Variants in KIAA1328 observed in about 807,000 individuals in gnomAD.
KIAA1328 encodes the protein KIAA1328, also known as protein hinderin.
In KIAA1328, 52 loss-of-function variants were observed where a neutral mutation model predicts 68.1. The observed-to-expected ratio is 0.76, with a 90% CI of 0.61 to 0.96. KIAA1328 has a LOEUF of 0.96. KIAA1328 is among the 40% of genes least tolerant of loss of function. KIAA1328 has a pLI of 0.00. For missense variants in KIAA1328, 641 were observed against 677.6 expected (o/e 0.95, Z 0.60); for synonymous variants, 232 against 239.4 (o/e 0.97, Z 0.28).
chr18:36,953,169 A>G (rs1269603535), intron 5 of KIAA1328, among the ~76,000 whole-genome samples: 1 of 149,328 alleles, frequency 6.7e-6, no homozygotes. Context: ...TTTAATACAT[A>G]TATCATAAAT....
intron 9 of KIAA1328, among the ~76,000 whole-genome samples, chr18:37,211,491 A>G (rs2060314916): frequency 6.6e-6 from 1 of 152,182 alleles, no homozygotes; most frequent in South Asian, 2.1e-4. Flanking sequence ...CATGCTATGG[A>G]AAGCCTGTGC....
chr18:36,851,495 A>G (rs2047210120), intron 4 of KIAA1328, among the ~76,000 whole-genome samples: 1 of 152,130 alleles, frequency 6.6e-6, no homozygotes, highest in Non-Finnish European at 1.5e-5. Flanking sequence ...GTATAGGTCC[A>G]TTCAGATCTT....
rs1209322582 is a variant in KIAA1328, at chr18:37,222,593, A to G, written c.*366A>G. 1.9e-6 allele frequency: 2 copies of G among 1,053,728 alleles called. No homozygotes were observed. The highest frequency in any genetic ancestry group is 1.7e-4 in the East Asian group (2 of 11,914). The allele number at this position is 1,053,728 out of a possible 1,614,324, so 65.3% of individuals were successfully genotyped here. A position where few individuals can be genotyped will look rare whatever the true frequency, so the allele number is the denominator to read the frequency against. The stretch of plus-strand genomic sequence containing the variant: ...ATGCTGACTCACTTTTATATACAAG[A>G]AAAACCTTTCCACTGAAAAATCCCT... On this transcript the variant is annotated 3_prime_UTR_variant, in exon 10 of 10. Coordinates refer to ENST00000280020, the MANE Select transcript of KIAA1328 (RefSeq NM_020776.3).
At chr18:37,161,178 G>A (rs1423124001) in intron 8 of KIAA1328, among the ~76,000 whole-genome samples, 1 of 152,024 alleles carries the variant, frequency 6.6e-6, no homozygotes, top group African/African-American at 2.4e-5. Context: ...TTATTTACCT[G>A]TTTTCCTACT....
At chr18:37,058,026 T>C (rs1185905353) in intron 6 of KIAA1328, among the ~76,000 whole-genome samples, 1 of 152,140 alleles carries the variant, frequency 6.6e-6, no homozygotes, top group Non-Finnish European at 1.5e-5. Context: ...AGAGAAAGTA[T>C]GGATATATGT....
intron 7 of KIAA1328, among the ~76,000 whole-genome samples, chr18:37,118,551 C>G (rs1422323273): frequency 6.6e-6 from 1 of 152,162 alleles, no homozygotes; most frequent in African/African-American, 2.4e-5. Context: ...CAACCTATTT[C>G]CCCCTTGATT....
chr18:36,844,219 G>A lies in KIAA1328; in HGVS notation c.249G>A (p.Arg83=), dbSNP rs2046951766. 3 of 1,587,398 alleles carry A rather than the reference G, an allele frequency of 1.9e-6. No individual in the cohort carries two copies. The highest frequency in any genetic ancestry group is 1.8e-5 in the Admixed American group (1 of 54,562). The change falls in exon 4 of 10, where the codon AGG becomes AGA. Residue 83 remains arginine, a synonymous_variant. Transcript: ENST00000280020. ...GDSVDEQNSC[R]GEIKSASLKD... is the part of the protein sequence containing the mutation. ...TTTTTTTTTTTAAGAATTCCTGCAG[G>A]GGAGAAATAAAGAGTGCATCATTGA...
chr18:37,152,002 G>GA (rs2059042079), intron 7 of KIAA1328, among the ~76,000 whole-genome samples: 1 of 150,976 alleles, frequency 6.6e-6, no homozygotes, highest in South Asian at 2.1e-4. Context: ...GCTTCCTTAG[G>GA]AGTAGCCCAG....
rs992334913 is a variant in KIAA1328, at chr18:36,951,997, A to C, written c.449-7311A>C. ...AGTCATCAGTGACTTAAATAGAGAT[A>C]AAATCTAAACAACTTAGGGTAACAT... On this transcript the variant is annotated intron_variant, in intron 5 of 9. Coordinates refer to ENST00000280020, the MANE Select transcript of KIAA1328 (RefSeq NM_020776.3). Among the ~76,000 whole-genome samples, 5 of 152,242 alleles carry C rather than the reference A, an allele frequency of 3.3e-5. No individual in the cohort carries two copies. In the East Asian group the frequency reaches 5.8e-4, roughly 18 times the overall value.
At position 37,057,700 on chromosome 18, in the gene KIAA1328, G is replaced by T. The variant is rs1568347348; in HGVS notation, c.577-9190G>T. On this transcript the variant is annotated intron_variant, in intron 6 of 9. Coordinates refer to ENST00000280020, the MANE Select transcript of KIAA1328 (RefSeq NM_020776.3). ...TCCACCTGCCTCGGCCTCCCAAAGT[G>T]CTGGGATTACAGGCATGAGCCACCA... is the stretch of plus-strand genomic sequence containing the variant. 2.6e-5 allele frequency among the ~76,000 whole-genome samples: 4 copies of T among 151,812 alleles called. No homozygotes were observed. The South Asian group carries it at 8.3e-4, about 32-fold the overall frequency.
chr18:36,959,714 G>T (rs2051579536), intron 6 of KIAA1328, among the ~76,000 whole-genome samples: 1 of 152,106 alleles, frequency 6.6e-6, no homozygotes, highest in Non-Finnish European at 1.5e-5. Flanking sequence ...AGAAAACACT[G>T]CTCTGTTACT....
At chr18:36,878,081 G>T (rs1284985148) in intron 4 of KIAA1328, among the ~76,000 whole-genome samples, 2 of 152,148 alleles carry the variant, frequency 1.3e-5, no homozygotes, top group African/African-American at 4.8e-5. Flanking sequence ...CCTATTCGTT[G>T]ATGCAGTTTC....
At chr18:36,851,615 A>G (rs2047214870) in intron 4 of KIAA1328, among the ~76,000 whole-genome samples, 1 of 146,224 alleles carries the variant, frequency 6.8e-6, no homozygotes, top group Non-Finnish European at 1.5e-5. Flanking sequence ...GTATTCTCTT[A>G]TAATACTTTT....
At chr18:37,084,223 C>T in intron 7 of KIAA1328, 1 of 1,508,062 alleles carries the variant, frequency 6.6e-7, no homozygotes, top group African/African-American at 1.4e-5. Context: ...GGCAGTGACT[C>T]TGGACCAAGG....
In KIAA1328 at chr18:37,087,828, A is replaced by C. The variant is rs1261372848; in HGVS notation, c.1232+20283A>C. On this transcript the variant is annotated intron_variant, in intron 7 of 9. Transcript: ENST00000280020. ...AGGGGGAGTAAAAAAAAATGGGCTC[A>C]TCACTTGTTACATAGGCTTTCATTT... Among the ~76,000 whole-genome samples, 5 of 152,192 alleles carry C rather than the reference A, an allele frequency of 3.3e-5. No homozygotes were observed. The East Asian group carries it at 7.7e-4, about 23-fold the overall frequency.
intron 5 of KIAA1328, among the ~76,000 whole-genome samples, chr18:36,910,914 G>A (rs982162526): frequency 2.0e-5 from 3 of 151,986 alleles, no homozygotes; most frequent in Non-Finnish European, 2.9e-5. Flanking sequence ...CTCAGGAAAA[G>A]AATGAAGAGT....
chr18:36,876,803 G>T (rs996053970), intron 4 of KIAA1328, among the ~76,000 whole-genome samples: 2 of 152,084 alleles, frequency 1.3e-5, no homozygotes, highest in Admixed American at 6.5e-5. Flanking sequence ...ACTTTCTCAT[G>T]TAGGCATTTT....
chr18:36,935,559 T>G (rs1050394553), intron 5 of KIAA1328, among the ~76,000 whole-genome samples: 2 of 152,188 alleles, frequency 1.3e-5, no homozygotes, highest in Admixed American at 1.3e-4. Flanking sequence ...GGTTTTGGCT[T>G]TATATTAGTC....
intron 9 of KIAA1328, among the ~76,000 whole-genome samples, chr18:37,195,276 C>G (rs2059982242): frequency 6.6e-6 from 1 of 152,188 alleles, no homozygotes; most frequent in Non-Finnish European, 1.5e-5. Flanking sequence ...TCCTAGCCTT[C>G]ACTTTGTTGT....
Sources: gnomAD v4.1 joint callset for allele counts (sites outside exome capture counted in the v4.1 genomes callset) on GRCh38, gnomAD v4.1.1 for gene constraint, MANE v1.5 for transcripts, NCBI Gene and HGNC (gene_info 2026-07-23, HGNC 2026-07-21) for gene names.